The following TENM2 variants were observed in gnomAD, a reference collection of about 807,000 sequenced individuals.
TENM2 encodes teneurin-2.
Under a neutral mutation model 245.2 loss-of-function variants are expected in TENM2, and 52 were observed. The ratio of observed to expected loss-of-function variants is 0.21; its 90% CI spans 0.17 to 0.27. TENM2 has a LOEUF of 0.27. Among genes scored for constraint, TENM2 ranks in the 10% least tolerant of loss-of-function variants. The probability of loss-of-function intolerance (pLI) is 1.00; values close to 1 mark genes in which losing one functional copy is unlikely to be tolerated. For synonymous variants in TENM2, 1,363 were observed against 1,438.9 expected (o/e 0.95, Z 1.19); for missense variants, 3,046 against 3,666.8 (o/e 0.83, Z 4.37).
chr5:167,842,416 CTA>C (rs1769613014), intron 2 of TENM2, among the ~76,000 whole-genome samples: 1 of 151,804 alleles, frequency 6.6e-6, no homozygotes, highest in Admixed American at 6.6e-5. Flanking sequence ...TGGTGAAAGA[CTA>C]TCTCTACTAA....
At chr5:167,904,099 G>C (rs1416112306) in intron 3 of TENM2, among the ~76,000 whole-genome samples, 1 of 152,178 alleles carries the variant, frequency 6.6e-6, no homozygotes, top group African/African-American at 2.4e-5. Flanking sequence ...GCTGTCTCAT[G>C]GTTATTGGCA....
chr5:167,109,373 C>T, the TENM2 span, among the ~76,000 whole-genome samples: 6 of 151,228 alleles, frequency 4.0e-5, no homozygotes, highest in Non-Finnish European at 8.8e-5. Context: ...ATTTCTGAAA[C>T]TATTGCTTGT....
At chr5:168,018,378 C>CTTT (rs60778530) in intron 5 of TENM2, among the ~76,000 whole-genome samples, 45 of 143,244 alleles carry the variant, frequency 3.1e-4, no homozygotes, top group East Asian at 1.0e-3. Flanking sequence ...GTTGTGAGCT[C>CTTT]TTTTTTTTTT....
chr5:167,740,547 G>A (rs1422212034), intron 2 of TENM2, among the ~76,000 whole-genome samples: 1 of 151,932 alleles, frequency 6.6e-6, no homozygotes, highest in Non-Finnish European at 1.5e-5. Flanking sequence ...TTATATCATG[G>A]CTCAGCCGAT....
intron 13 of TENM2, among the ~76,000 whole-genome samples, chr5:168,185,915 C>CATATATATAT (rs200942772): frequency 1.1e-4 from 8 of 73,844 alleles, no homozygotes; most frequent in Non-Finnish European, 2.2e-4. Flanking sequence ...ACCAGACTGA[C>CATATATATAT]ATATATATAT....
At chr5:167,307,806 C>G (rs758300516) in intron 1 of TENM2, 1 of 152,282 alleles carries the variant, frequency 6.6e-6, no homozygotes. Context: ...AAATTCTCTC[C>G]TTTGCTCTCC....
At chr5:167,499,971 GGT>G (rs150798009) in intron 2 of TENM2, among the ~76,000 whole-genome samples, 10 of 121,114 alleles carry the variant, frequency 8.3e-5, no homozygotes, top group South Asian at 2.8e-4. Flanking sequence ...TGTATGTGAG[GGT>G]GTGTGTGTGT....
chr5:167,913,887 CAG>C (rs1211679266), intron 3 of TENM2, among the ~76,000 whole-genome samples: 1 of 152,194 alleles, frequency 6.6e-6, no homozygotes, highest in East Asian at 1.9e-4. Flanking sequence ...GACATATGCA[CAG>C]AGTTTAGTAC....
At chr5:167,922,315 C>G (rs917089411) in intron 3 of TENM2, among the ~76,000 whole-genome samples, 1 of 152,140 alleles carries the variant, frequency 6.6e-6, no homozygotes, top group African/African-American at 2.4e-5. Flanking sequence ...CAGACTTCAT[C>G]ATCAGTAGCT....
the TENM2 span, among the ~76,000 whole-genome samples, chr5:167,262,255 G>A: frequency 3.3e-5 from 5 of 152,048 alleles, no homozygotes; most frequent in African/African-American, 1.2e-4. Flanking sequence ...CTACTCAGGA[G>A]GCTGAGGCAG....
At chr5:167,315,321 TTTG>T (rs1310244522) in intron 1 of TENM2, among the ~76,000 whole-genome samples, 1 of 152,186 alleles carries the variant, frequency 6.6e-6, no homozygotes, top group African/African-American at 2.4e-5. Flanking sequence ...GTATCATATG[TTTG>T]TTAACTTATG....
At chr5:167,597,160 CTTTTCTTTTTTTTT>C (rs1776278428) in intron 2 of TENM2, among the ~76,000 whole-genome samples, 1 of 102,236 alleles carries the variant, frequency 9.8e-6, no homozygotes, top group Non-Finnish European at 2.1e-5. Flanking sequence ...CTTTTCTTTT[CTTTTCTTTTTTTTT>C]TTTTTTTTGA....
At position 167,373,896 on chromosome 5, in the gene TENM2, G is replaced by A. The variant is rs116350287; in HGVS notation, c.227-1302G>A. Among the ~76,000 whole-genome samples the A allele has an allele frequency of 6.0e-3, 913 of 152,292 alleles. 9 individuals carry two copies. The highest frequency in any genetic ancestry group is 0.021 in the African/African-American group (869 of 41,562). On this transcript the variant is annotated intron_variant, in intron 1 of 28. Coordinates refer to ENST00000518659, the Ensembl canonical transcript of TENM2. ...CATTTTCTGACACCTAATAACACAC[G>A]TTTATAGAACATGACAACGTGTTCA...
At chr5:168,197,224 T>G (rs1399944423) in intron 15 of TENM2, among the ~76,000 whole-genome samples, 1 of 152,256 alleles carries the variant, frequency 6.6e-6, no homozygotes, top group Non-Finnish European at 1.5e-5. Flanking sequence ...CTGATATTTG[T>G]CTTAATATTC....
intron 25 of TENM2, among the ~76,000 whole-genome samples, chr5:168,234,809 G>C (rs111460788): frequency 3.9e-5 from 6 of 152,320 alleles, no homozygotes; most frequent in African/African-American, 1.4e-4. Flanking sequence ...GATTGCAGAA[G>C]CAAGAAACAG....
chr5:167,048,694 C>T, the TENM2 span, among the ~76,000 whole-genome samples: 1 of 152,110 alleles, frequency 6.6e-6, no homozygotes, highest in Admixed American at 6.6e-5. Flanking sequence ...CAATGAACAA[C>T]CATTAAAAAG....
At chr5:167,783,856 G>A (rs1481181512) in intron 2 of TENM2, among the ~76,000 whole-genome samples, 1 of 152,056 alleles carries the variant, frequency 6.6e-6, no homozygotes, top group Non-Finnish European at 1.5e-5. Context: ...CCCCAAGGTG[G>A]CAAGAAGTCC....
chr5:167,663,059 A>G (rs1483450634), intron 2 of TENM2, among the ~76,000 whole-genome samples: 4 of 151,704 alleles, frequency 2.6e-5, no homozygotes, highest in Admixed American at 6.6e-5. Flanking sequence ...CTGTCTGCTC[A>G]CTGTAGTCTC....
intron 2 of TENM2, among the ~76,000 whole-genome samples, chr5:167,479,216 A>G (rs1767601078): frequency 6.6e-6 from 1 of 152,212 alleles, no homozygotes; most frequent in Admixed American, 6.5e-5. Context: ...TGTAAAGACC[A>G]GAATACTTGG....
Sources: gnomAD v4.1 joint callset for allele counts (sites outside exome capture counted in the v4.1 genomes callset) on GRCh38, gnomAD v4.1.1 for gene constraint, MANE v1.5 for transcripts, NCBI Gene and HGNC (gene_info 2026-07-23, HGNC 2026-07-21) for gene names.